Variants in CEP112 observed in about 807,000 individuals in gnomAD.
CEP112 encodes centrosomal protein of 112 kDa.
A neutral mutation model predicts 153.0 loss-of-function variants in CEP112; 127 were observed. That is an observed-to-expected ratio of 0.83 (90% CI 0.72 to 0.96). CEP112 has a LOEUF of 0.96. Ranked by LOEUF, CEP112 falls within the 40% of genes least tolerant of loss-of-function variation. CEP112 has a pLI of 0.00. For synonymous variants in CEP112, 358 were observed against 374.4 expected, an observed-to-expected ratio of 0.96 and a Z score of 0.51; for missense variants, 1,089 against 1,101.2, an observed-to-expected ratio of 0.99 and a Z score of 0.16.
intron 19 of CEP112, among the ~76,000 whole-genome samples, chr17:65,923,271 T>C (rs1231002165): frequency 6.6e-6 from 1 of 152,228 alleles, no homozygotes; most frequent in Non-Finnish European, 1.5e-5. Flanking sequence ...ATCGTCTACC[T>C]TTTCTTCTCT....
intron 22 of CEP112, among the ~76,000 whole-genome samples, chr17:65,750,025 C>T (rs1465466259): frequency 6.6e-6 from 1 of 152,114 alleles, no homozygotes; most frequent in Non-Finnish European, 1.5e-5. Context: ...TTAAATGATA[C>T]TACTGGATAT....
At chr17:65,879,057 C>T (rs1030165812) in intron 20 of CEP112, among the ~76,000 whole-genome samples, 1 of 152,188 alleles carries the variant, frequency 6.6e-6, no homozygotes, top group Non-Finnish European at 1.5e-5. Flanking sequence ...AAATCACTAT[C>T]CCATCTGCGT....
chr17:66,090,189 C>T (rs1032186236), intron 8 of CEP112, among the ~76,000 whole-genome samples: 3 of 152,038 alleles, frequency 2.0e-5, no homozygotes, highest in African/African-American at 7.2e-5. Context: ...CAAGTGAAAT[C>T]TTGATGCTCA....
intron 23 of CEP112, among the ~76,000 whole-genome samples, chr17:65,693,398 AT>A (rs2048210191): frequency 6.6e-6 from 1 of 151,842 alleles, no homozygotes; most frequent in Non-Finnish European, 1.5e-5. Flanking sequence ...TTCACGCCCA[AT>A]TGTGTTTTTC....
intron 24 of CEP112, among the ~76,000 whole-genome samples, chr17:65,659,797 A>C (rs1285011662): frequency 6.6e-6 from 1 of 152,196 alleles, no homozygotes; most frequent in Non-Finnish European, 1.5e-5. Flanking sequence ...GAAATACATA[A>C]CTGACATATA....
At chr17:65,636,918 C>T in intron 26 of CEP112, 1 of 536,844 alleles carries the variant, frequency 1.9e-6, no homozygotes. Flanking sequence ...GGCAGATTCT[C>T]TCATCTTGTT....
intron 23 of CEP112, among the ~76,000 whole-genome samples, chr17:65,731,347 G>A (rs1168799587): frequency 6.6e-6 from 1 of 152,102 alleles, no homozygotes; most frequent in Non-Finnish European, 1.5e-5. Context: ...AGTCTATTAC[G>A]TGTGCGATAG....
chr17:65,710,020 G>A (rs949430601), intron 23 of CEP112, among the ~76,000 whole-genome samples: 2 of 152,160 alleles, frequency 1.3e-5, no homozygotes, highest in Non-Finnish European at 2.9e-5. Context: ...AGCGTTGTAG[G>A]ATCTTGAGCC....
In CEP112 at chr17:65,999,492, C is replaced by T. The variant is rs1346769699; in HGVS notation, c.1736+6198G>A. Among the ~76,000 whole-genome samples the T allele has an allele frequency of 5.3e-5, 8 of 152,174 alleles. No individual in the cohort carries two copies. In the East Asian group the frequency reaches 9.6e-4, roughly 18 times the overall value. Reference sequence around the variant, plus strand: ...CTGGGATTACAAGCGTGAGCCACCACGCCCGGCCAGAAATTACTAAATTAT... The same window carrying T: ...CTGGGATTACAAGCGTGAGCCACCATGCCCGGCCAGAAATTACTAAATTAT... On this transcript the variant is annotated intron_variant, in intron 17 of 26. Transcript: ENST00000535342.
At chr17:65,993,877 G>A (rs1373073) in intron 17 of CEP112, among the ~76,000 whole-genome samples, 151,510 of 152,260 alleles carry the variant, frequency 1, 75,388 homozygotes, top group Middle Eastern at 1. Context: ...TGCTGTTAAT[G>A]TTCAGTTTCT....
At chr17:65,931,657 G>A (rs976534378) in intron 18 of CEP112, among the ~76,000 whole-genome samples, 3 of 152,232 alleles carry the variant, frequency 2.0e-5, no homozygotes, top group African/African-American at 7.2e-5. Context: ...GCATCACTGA[G>A]CAGGAAGCAC....
At chr17:65,724,053 A>G (rs904705854) in intron 23 of CEP112, among the ~76,000 whole-genome samples, 36 of 99,538 alleles carry the variant, frequency 3.6e-4, no homozygotes, top group African/African-American at 9.8e-4. Context: ...CTTCTCTTGA[A>G]AAAATGGGGG....
intron 21 of CEP112, among the ~76,000 whole-genome samples, chr17:65,789,489 T>C (rs1356260455): frequency 6.6e-6 from 1 of 152,208 alleles, no homozygotes; most frequent in Non-Finnish European, 1.5e-5. Context: ...TAATGGGGCA[T>C]ACAGTACCAT....
intron 21 of CEP112, among the ~76,000 whole-genome samples, chr17:65,828,961 T>C (rs967968538): frequency 1.2e-4 from 19 of 152,058 alleles, no homozygotes; most frequent in African/African-American, 4.1e-4. Context: ...ATTTTTAAGG[T>C]TCACAGTATA....
chr17:65,997,898 A>C (rs1014202007), intron 17 of CEP112, among the ~76,000 whole-genome samples: 1 of 152,154 alleles, frequency 6.6e-6, no homozygotes, highest in African/African-American at 2.4e-5. Context: ...AGGCTACCTT[A>C]GCTTAGGTCT....
At chr17:65,945,809 G>A (rs1306910922) in intron 18 of CEP112, among the ~76,000 whole-genome samples, 1 of 151,994 alleles carries the variant, frequency 6.6e-6, no homozygotes, top group Non-Finnish European at 1.5e-5. Context: ...ATCATACCCG[G>A]CTAATTTTTG....
chr17:65,934,017 C>T (rs1216271786), intron 18 of CEP112, among the ~76,000 whole-genome samples: 1 of 152,082 alleles, frequency 6.6e-6, no homozygotes, highest in African/African-American at 2.4e-5. Context: ...AGTAAGACCC[C>T]ATCTCTACTA....
At chr17:65,926,100 A>G (rs749901345) in intron 19 of CEP112, among the ~76,000 whole-genome samples, 2 of 152,188 alleles carry the variant, frequency 1.3e-5, no homozygotes, top group African/African-American at 4.8e-5. Context: ...TCAACTCCTT[A>G]CACAAACCGG....
intron 5 of CEP112, among the ~76,000 whole-genome samples, chr17:66,130,755 G>C (rs888072651): frequency 7.8e-5 from 10 of 128,840 alleles, no homozygotes; most frequent in African/African-American, 3.0e-4. Flanking sequence ...CAGCCTGGGC[G>C]ACAGAGCGAG....
Sources: gnomAD v4.1 joint callset for allele counts (sites outside exome capture counted in the v4.1 genomes callset) on GRCh38, gnomAD v4.1.1 for gene constraint, MANE v1.5 for transcripts, NCBI Gene and HGNC (gene_info 2026-07-23, HGNC 2026-07-21) for gene names.